Variants in CACNG2 observed in about 807,000 individuals in gnomAD.
CACNG2 encodes the protein voltage-dependent calcium channel gamma-2 subunit.
A neutral mutation model predicts 25.9 loss-of-function variants in CACNG2; 3 were observed. That is an observed-to-expected ratio of 0.12 (90% CI 0.05 to 0.30). The LOEUF (loss-of-function observed/expected upper bound fraction) is 0.30. CACNG2 is among the 10% of genes least tolerant of loss of function. The pLI is 1.00. For synonymous variants in CACNG2, 167 were observed against 173.3 expected (o/e 0.96, Z 0.29); for missense variants, 341 against 432.5 (o/e 0.79, Z 1.88).
At chr22:36,590,100 C>A (rs1449637489) in intron 1 of CACNG2, among the ~76,000 whole-genome samples, 3 of 152,168 alleles carry the variant, frequency 2.0e-5, no homozygotes, top group African/African-American at 7.2e-5. Context: ...CCAGCTGCAT[C>A]CTGGTGGGCC....
chr22:36,569,179 G>A (rs1935182271), intron 2 of CACNG2, among the ~76,000 whole-genome samples: 1 of 152,126 alleles, frequency 6.6e-6, no homozygotes, highest in Non-Finnish European at 1.5e-5. Flanking sequence ...ACACCCATTC[G>A]GTGTTGGGTC....
At chr22:36,586,905 T>A (rs1935513716) in intron 2 of CACNG2, among the ~76,000 whole-genome samples, 1 of 151,824 alleles carries the variant, frequency 6.6e-6, no homozygotes, top group African/African-American at 2.4e-5. Context: ...AGCTGTTACA[T>A]CAGGATTTAA....
At chr22:36,601,624 A>G (rs1419585586) in intron 1 of CACNG2, among the ~76,000 whole-genome samples, 1 of 151,958 alleles carries the variant, frequency 6.6e-6, no homozygotes, top group African/African-American at 2.4e-5. Context: ...CTCCCAAATT[A>G]CAGGCGCCTG....
chr22:36,676,475 T>C (rs1937021250), intron 1 of CACNG2, among the ~76,000 whole-genome samples: 1 of 152,106 alleles, frequency 6.6e-6, no homozygotes, highest in South Asian at 2.1e-4. Context: ...ATTTTGCAAA[T>C]GAGAAATAGG....
chr22:36,676,932 T>TTTTGTGTGTGTGTGTGTG (rs1555901018), intron 1 of CACNG2, among the ~76,000 whole-genome samples: 1 of 141,650 alleles, frequency 7.1e-6, no homozygotes, highest in Non-Finnish European at 1.5e-5. Context: ...TCTTCTAATA[T>TTTTGTGTGTGTGTGTGTG]TGTGTGTGTG....
chr22:36,670,435 C>G (rs764629625), intron 1 of CACNG2, among the ~76,000 whole-genome samples: 3 of 152,072 alleles, frequency 2.0e-5, no homozygotes, highest in Admixed American at 6.6e-5. Flanking sequence ...GAATTTGTAT[C>G]TTTATAAACT....
At chr22:36,700,215 C>T (rs1210251303) in intron 1 of CACNG2, among the ~76,000 whole-genome samples, 1 of 152,152 alleles carries the variant, frequency 6.6e-6, no homozygotes, top group Non-Finnish European at 1.5e-5. Flanking sequence ...GAGTGTGCAG[C>T]TTGGAGAGAA....
At chr22:36,572,458 T>A (rs1034235908) in intron 2 of CACNG2, among the ~76,000 whole-genome samples, 4 of 152,140 alleles carry the variant, frequency 2.6e-5, no homozygotes, top group Non-Finnish European at 5.9e-5. Flanking sequence ...CAAAATCACT[T>A]TGGGAGGCCG....
intron 1 of CACNG2, among the ~76,000 whole-genome samples, chr22:36,659,063 T>C (rs1211482438): frequency 2.0e-5 from 3 of 152,154 alleles, no homozygotes; most frequent in Non-Finnish European, 4.4e-5. Flanking sequence ...AAATACCACA[T>C]TACACAGTGG....
intron 2 of CACNG2, among the ~76,000 whole-genome samples, chr22:36,573,985 C>T (rs1211125911): frequency 2.6e-5 from 4 of 151,984 alleles, no homozygotes; most frequent in East Asian, 3.9e-4. Flanking sequence ...GGCTGGATCA[C>T]GAGGAGCCAG....
intron 1 of CACNG2, among the ~76,000 whole-genome samples, chr22:36,624,613 C>G (rs1329865949): frequency 1.3e-5 from 2 of 152,170 alleles, no homozygotes; most frequent in Non-Finnish European, 2.9e-5. Flanking sequence ...TGCTGGCCCC[C>G]CTCCAAACCT....
chr22:36,627,642 A>ATT (rs5845278), intron 1 of CACNG2, among the ~76,000 whole-genome samples: 13 of 141,292 alleles, frequency 9.2e-5, no homozygotes, highest in African/African-American at 2.4e-4. Context: ...AATGACTTTG[A>ATT]TTTTTTTTTT....
chr22:36,574,147 A>C (rs549318465), intron 2 of CACNG2, among the ~76,000 whole-genome samples: 1 of 152,124 alleles, frequency 6.6e-6, no homozygotes, highest in African/African-American at 2.4e-5. Context: ...GAAACTTTAA[A>C]GGGCTTAGAA....
Position 36,561,586 on chromosome 22 carries a change from G to A in CACNG2, c.*2765C>T, listed in dbSNP as rs899421578. The A allele has an allele frequency of 6.6e-6, 1 of 152,196 alleles. No homozygotes were observed. Among genetic ancestry groups the A allele is most frequent in the African/African-American group, 2.4e-5 (1 of 41,450 alleles). The allele number at this position is 152,196 out of a possible 1,614,324, so 9.4% of individuals were successfully genotyped here. ...CAGGTGAGATGTGCAAGCTCAAAAA[G>A]CCTTACTAGCCATTCTCTAGAACTC... On this transcript the variant is annotated 3_prime_UTR_variant, in exon 4 of 4. Coordinates refer to ENST00000300105, the MANE Select transcript of CACNG2 (RefSeq NM_006078.5).
At chr22:36,586,205 C>T (rs1935499973) in intron 2 of CACNG2, among the ~76,000 whole-genome samples, 1 of 152,224 alleles carries the variant, frequency 6.6e-6, no homozygotes, top group Non-Finnish European at 1.5e-5. Flanking sequence ...TCTTGGCCTC[C>T]CCAGCACGGA....
At chr22:36,669,508 CAAAAAAA>C (rs1157379465) in intron 1 of CACNG2, among the ~76,000 whole-genome samples, 2 of 61,648 alleles carry the variant, frequency 3.2e-5, no homozygotes, top group South Asian at 8.2e-4. Flanking sequence ...ACTCTATCTC[CAAAAAAA>C]AAAAAAAAAA....
At chr22:36,581,738 C>T (rs914030486) in intron 2 of CACNG2, among the ~76,000 whole-genome samples, 1 of 152,212 alleles carries the variant, frequency 6.6e-6, no homozygotes, top group African/African-American at 2.4e-5. Context: ...GCCACTCCCT[C>T]GGTGAGTTCA....
Position 36,632,842 on chromosome 22 carries a change from C to A in CACNG2, c.212-45294G>T, listed in dbSNP as rs1936296776. Reference sequence around the variant, plus strand: ...AACCTCTCTTCTCTAGCTATCCTTACCCTTCAAGCCTCCTTATCTCAGCCC... The same window carrying A: ...AACCTCTCTTCTCTAGCTATCCTTAACCTTCAAGCCTCCTTATCTCAGCCC... On this transcript the variant is annotated intron_variant, in intron 1 of 3. Coordinates refer to ENST00000300105, the MANE Select transcript of CACNG2 (RefSeq NM_006078.5). Among the ~76,000 whole-genome samples the A allele has an allele frequency of 2.0e-5, 3 of 152,042 alleles. No individual in the cohort carries two copies. The South Asian group carries it at 6.2e-4, about 32-fold the overall frequency.
intron 1 of CACNG2, among the ~76,000 whole-genome samples, chr22:36,610,280 T>C (rs900437183): frequency 8.2e-5 from 12 of 147,020 alleles, no homozygotes; most frequent in Non-Finnish European, 1.7e-4. Flanking sequence ...TAGAGCGTGA[T>C]TGGGCAGGAA....
Sources: gnomAD v4.1 joint callset for allele counts (sites outside exome capture counted in the v4.1 genomes callset) on GRCh38, gnomAD v4.1.1 for gene constraint, MANE v1.5 for transcripts, NCBI Gene and HGNC (gene_info 2026-07-23, HGNC 2026-07-21) for gene names.